Variants in SPAG16 observed in about 807,000 individuals in gnomAD.
SPAG16 encodes the protein sperm-associated antigen 16 protein.
SPAG16 carries 86 observed loss-of-function variants against 80.4 expected under a neutral mutation model. That is an observed-to-expected ratio of 1.07 (90% CI 0.90 to 1.28). The LOEUF is 1.28. SPAG16 is among the 50% of genes most tolerant of loss of function. SPAG16 has a pLI of 0.00. For missense variants in SPAG16, 870 were observed against 765.3 expected (o/e 1.14, Z -1.61); for synonymous variants, 294 against 265.9 (o/e 1.11, Z -1.03).
At chr2:213,906,004 T>C (rs970674665) in intron 11 of SPAG16, among the ~76,000 whole-genome samples, 1 of 152,162 alleles carries the variant, frequency 6.6e-6, no homozygotes, top group Non-Finnish European at 1.5e-5. Context: ...ATAAATAAAT[T>C]TCCTGTCTTG....
At chr2:214,075,934 A>G (rs144865590) in intron 13 of SPAG16, among the ~76,000 whole-genome samples, 2,147 of 152,244 alleles carry the variant, frequency 0.014, 20 homozygotes, top group Middle Eastern at 0.031. Context: ...CTTGATTACA[A>G]CTAATTAGCA....
chr2:214,359,992 T>G (rs192376779), intron 15 of SPAG16, among the ~76,000 whole-genome samples: 1 of 151,848 alleles, frequency 6.6e-6, no homozygotes, highest in Non-Finnish European at 1.5e-5. Flanking sequence ...TGGTCTCAGA[T>G]GCTCTACTCT....
chr2:213,870,258 T>C (rs934621893), intron 11 of SPAG16, among the ~76,000 whole-genome samples: 19 of 152,326 alleles, frequency 1.2e-4, no homozygotes, highest in African/African-American at 4.1e-4. Flanking sequence ...TATAATGGCA[T>C]AAGACTGCTT....
At chr2:213,695,370 A>G (rs1054377142) in intron 10 of SPAG16, among the ~76,000 whole-genome samples, 10 of 152,184 alleles carry the variant, frequency 6.6e-5, no homozygotes, top group African/African-American at 2.4e-4. Context: ...TATGCTTATT[A>G]TACTATCCGC....
At chr2:213,389,136 T>G (rs1266819639) in intron 9 of SPAG16, among the ~76,000 whole-genome samples, 1 of 152,188 alleles carries the variant, frequency 6.6e-6, no homozygotes, top group African/African-American at 2.4e-5. Flanking sequence ...CAAATGATTT[T>G]GACAATAGTA....
intron 13 of SPAG16, among the ~76,000 whole-genome samples, chr2:214,069,326 G>A (rs547990503): frequency 5.9e-4 from 90 of 152,272 alleles, no homozygotes; most frequent in African/African-American, 1.8e-3. Flanking sequence ...ACATCACAGA[G>A]TTTAGGTTGC....
chr2:213,697,494 CTT>C (rs1252190800), intron 10 of SPAG16, among the ~76,000 whole-genome samples: 1 of 152,120 alleles, frequency 6.6e-6, no homozygotes, highest in East Asian at 1.9e-4. Flanking sequence ...ACAAAAGAGA[CTT>C]TGCAGATGTG....
intron 10 of SPAG16, among the ~76,000 whole-genome samples, chr2:213,688,751 GT>G: frequency 6.6e-6 from 1 of 151,708 alleles, no homozygotes; most frequent in Admixed American, 6.6e-5. Context: ...TTTTTTTTCA[GT>G]TTGTATTGTT....
At chr2:213,713,845 T>G (rs2066114456) in intron 10 of SPAG16, among the ~76,000 whole-genome samples, 1 of 152,198 alleles carries the variant, frequency 6.6e-6, no homozygotes, top group South Asian at 2.1e-4. Flanking sequence ...TAATTGAAAT[T>G]TTATCTATCA....
chr2:214,310,765 C>T (rs1362277211), intron 15 of SPAG16, among the ~76,000 whole-genome samples: 1 of 152,176 alleles, frequency 6.6e-6, no homozygotes, highest in Non-Finnish European at 1.5e-5. Flanking sequence ...CTCCAGGCCA[C>T]AATGCAACTT....
At chr2:213,717,922 C>T (rs893567407) in intron 10 of SPAG16, among the ~76,000 whole-genome samples, 7 of 152,066 alleles carry the variant, frequency 4.6e-5, no homozygotes, top group African/African-American at 1.7e-4. Context: ...CAGTAACATT[C>T]AGGACATAGG....
chr2:214,116,272 A>C (rs1458727455), intron 14 of SPAG16, among the ~76,000 whole-genome samples: 2 of 152,216 alleles, frequency 1.3e-5, no homozygotes, highest in African/African-American at 4.8e-5. Context: ...GCTTGGCACT[A>C]GCCTCCCTCA....
intron 6 of SPAG16, among the ~76,000 whole-genome samples, chr2:213,341,969 CCT>C (rs1353648956): frequency 6.6e-6 from 1 of 151,914 alleles, no homozygotes; most frequent in African/African-American, 2.4e-5. Context: ...ATAGACACAC[CCT>C]TTAAAATAGA....
rs1300024576 is a variant in SPAG16 at position 214,403,292 on chromosome 2, G to A, written c.1721-6848G>A. On this transcript the variant is annotated intron_variant, in intron 15 of 15. Transcript: ENST00000331683. The stretch of plus-strand genomic sequence containing the variant: ...GTTGATAATTTTAAATTTTCTAGTG[G>A]ACACATTTTTAAAGAACAGGTAAAA... Among the ~76,000 whole-genome samples the A allele has an allele frequency of 6.0e-5, 9 of 149,422 alleles. No individual in the cohort carries two copies. The Admixed American group carries it at 6.0e-4, about 10-fold the overall frequency.
intron 10 of SPAG16, among the ~76,000 whole-genome samples, chr2:213,704,656 G>A (rs2065657325): frequency 7.7e-6 from 1 of 130,542 alleles, no homozygotes; most frequent in African/African-American, 3.1e-5. Flanking sequence ...AAGAAATAAA[G>A]GTCCTTTTAA....
At chr2:213,796,212 A>G (rs536975476) in intron 10 of SPAG16, among the ~76,000 whole-genome samples, 1 of 152,174 alleles carries the variant, frequency 6.6e-6, no homozygotes, top group South Asian at 2.1e-4. Context: ...TAATTCTACA[A>G]TGTAAGGATT....
chr2:214,150,770 T>A (rs1559086616), intron 15 of SPAG16, among the ~76,000 whole-genome samples: 1 of 152,110 alleles, frequency 6.6e-6, no homozygotes, highest in Non-Finnish European at 1.5e-5. Context: ...ATTAAATATG[T>A]TGCCACTTGC....
intron 9 of SPAG16, among the ~76,000 whole-genome samples, chr2:213,378,261 A>C (rs2066995090): frequency 6.6e-6 from 1 of 152,124 alleles, no homozygotes; most frequent in South Asian, 2.1e-4. Flanking sequence ...CTTTGGCAAC[A>C]CCTTCACAGA....
At chr2:214,350,943 G>C (rs1449410440) in intron 15 of SPAG16, among the ~76,000 whole-genome samples, 5 of 152,062 alleles carry the variant, frequency 3.3e-5, no homozygotes, top group Non-Finnish European at 7.4e-5. Flanking sequence ...CAGCTAAAAG[G>C]CAACTTGGAA....
Sources: gnomAD v4.1 joint callset for allele counts (sites outside exome capture counted in the v4.1 genomes callset) on GRCh38, gnomAD v4.1.1 for gene constraint, MANE v1.5 for transcripts, NCBI Gene and HGNC (gene_info 2026-07-23, HGNC 2026-07-21) for gene names.